Variants in CLSTN3 observed in about 807,000 individuals in gnomAD.
CLSTN3 encodes calsyntenin-3.
CLSTN3 carries 36 observed loss-of-function variants against 95.9 expected under a neutral mutation model. That is an observed-to-expected ratio of 0.38 (90% confidence interval 0.29 to 0.50). The LOEUF (loss-of-function observed/expected upper bound fraction) is 0.50, where lower values mean the gene tolerates loss of function less well. Ranked by LOEUF, CLSTN3 falls within the 20% of genes least tolerant of loss-of-function variation. The probability of loss-of-function intolerance (pLI) is 0.95; values close to 1 mark genes in which losing one functional copy is unlikely to be tolerated. For missense variants in CLSTN3, 1,084 were observed against 1,268.8 expected, an observed-to-expected ratio of 0.85 and a Z score of 2.21; for synonymous variants, 481 against 504.0, an observed-to-expected ratio of 0.95 and a Z score of 0.61.
chr12:7,142,875 C>T lies in CLSTN3; in HGVS notation c.1547C>T (p.Pro516Leu), dbSNP rs1483531616. ...DNSTDTTQGD[P>L]LSIHHYFHGY... is the part of the protein sequence containing the mutation. ...TCCTGTGTTCCTACCCTAGGAGACCCTTTGTCGATCCACCACTACTTCCAT... is the reference window on the plus strand; with the variant it reads ...TCCTGTGTTCCTACCCTAGGAGACCTTTTGTCGATCCACCACTACTTCCAT... The change falls in exon 11 of 18, where the codon CCT becomes CTT. Residue 516 changes from proline to leucine, a missense_variant. Physicochemically the swap from Pro to Leu is moderately conservative, Grantham distance 98. Transcript: ENST00000266546. The T allele has an allele frequency of 1.4e-5, 23 of 1,613,980 alleles. No homozygotes were observed. Among genetic ancestry groups the T allele is most frequent in the African/African-American group, 4.0e-5 (3 of 74,908 alleles).
intron 12 of CLSTN3, among the ~76,000 whole-genome samples, chr12:7,146,394 T>C (rs1386617989): frequency 6.6e-6 from 1 of 152,040 alleles, no homozygotes; most frequent in Non-Finnish European, 1.5e-5. Context: ...AGCGAGACCC[T>C]GTCTCTAAAA....
In CLSTN3 at chr12:7,151,033, C is replaced by T; in HGVS notation, c.2497C>T (p.His833Tyr). ...GHQPPPEMAG[H>Y]SLASSHRNSM... ...CCAGCCCCCGCCTGAGATGGCTGGA[C>T]ACAGCCTAGCCAGCTCCCACAGAAA... The change falls in exon 16 of 18, where the codon CAC becomes TAC. Residue 833 changes from histidine to tyrosine, a missense_variant. His to Tyr is a moderately conservative substitution (Grantham distance 83, BLOSUM62 2). Transcript: ENST00000266546. 1 of 1,610,398 alleles carries T rather than the reference C, an allele frequency of 6.2e-7. No individual in the cohort carries two copies. Among genetic ancestry groups the T allele is most frequent in the Non-Finnish European group, 8.5e-7 (1 of 1,178,082 alleles).
chr12:7,153,272 G>C (rs1177596698), intron 16 of CLSTN3, among the ~76,000 whole-genome samples: 1 of 152,104 alleles, frequency 6.6e-6, no homozygotes, highest in Non-Finnish European at 1.5e-5. Flanking sequence ...TCCTGCCTTA[G>C]CCCCCTGAGG....
rs927674851 is a variant in CLSTN3, at chr12:7,141,882, A to G, written c.1487-204A>G. The stretch of plus-strand genomic sequence containing the variant: ...TATCGTATTTGGGGGTTTGTCTATA[A>G]TAGAGGCTGGAGAGGTTGGAACATG... On this transcript the variant is annotated intron_variant, in intron 9 of 17. Transcript: ENST00000266546. This position sits in a 1 kb window ranked among gnomAD's most constrained non-coding sequence, Gnocchi z 4.1. Among the ~76,000 whole-genome samples the G allele has an allele frequency of 6.6e-6, 1 of 152,152 alleles. No individual in the cohort carries two copies. Among genetic ancestry groups the G allele is most frequent in the African/African-American group, 2.4e-5 (1 of 41,412 alleles).
rs142563656 is a variant in CLSTN3 at position 7,134,205 on chromosome 12, A to C, written c.383+437A>C. Among the ~76,000 whole-genome samples, 1,498 of 152,198 alleles carry C rather than the reference A, an allele frequency of 9.8e-3. 24 individuals are homozygous for C. Among genetic ancestry groups the C allele is most frequent in the Non-Finnish European group, 9.6e-3 (654 of 67,980 alleles). ...GAGCAAGAAGGAAGAGGATGAACAC[A>C]CTCAGCATGCATCCAGTTCCCTTTC... On this transcript the variant is annotated intron_variant, in intron 3 of 17. Transcript: ENST00000266546.
At chr12:7,153,166 G>C (rs1939753466) in intron 16 of CLSTN3, among the ~76,000 whole-genome samples, 1 of 152,112 alleles carries the variant, frequency 6.6e-6, no homozygotes, top group Non-Finnish European at 1.5e-5. Context: ...AGAGGCTTTT[G>C]GGAGGGAGAG....
At chr12:7,129,750 G>A, upstream of CLSTN3, 2 of 985,564 alleles carry the variant, frequency 2.0e-6, no homozygotes, top group Non-Finnish European at 2.4e-6. The surrounding 1 kb of genome is among the most constrained non-coding windows in gnomAD (Gnocchi z 5.5). Flanking sequence ...ACTGGGCTTG[G>A]TTCATCATGG....
chr12:7,158,026 A>G lies in CLSTN3; in HGVS notation c.2816A>G (p.Asp939Gly). The G allele has an allele frequency of 6.4e-7, 1 of 1,550,492 alleles. No individual in the cohort carries two copies. Among genetic ancestry groups the G allele is most frequent in the African/African-American group, 1.4e-5 (1 of 72,928 alleles). ...GACAGCAGTGACTCGGAGGTGGCCGATTCCCCCAGCAGCGACGAGAGACGC... is the reference window on the plus strand; with the variant it reads ...GACAGCAGTGACTCGGAGGTGGCCGGTTCCCCCAGCAGCGACGAGAGACGC... Reference protein sequence around the residue: ...DEDSSDSEVADSPSSDERRII... With the variant: ...DEDSSDSEVAGSPSSDERRII... Residue 939 changes from aspartate to glycine, a missense_variant, in exon 18 of 18, where the codon GAT becomes GGT. Transcript: ENST00000266546.
chr12:7,152,700 C>T (rs878991209), intron 16 of CLSTN3, among the ~76,000 whole-genome samples: 2 of 152,146 alleles, frequency 1.3e-5, no homozygotes, highest in East Asian at 1.9e-4. Flanking sequence ...GCACTGTGCT[C>T]GGGGGATTAC....
chr12:7,135,245 G>A, intron 3 of CLSTN3, 82 bp from the exon 4 acceptor site: 1 of 1,328,420 alleles, frequency 7.5e-7, no homozygotes, highest in Non-Finnish European at 1.1e-6. Context: ...ACCTCGGTGT[G>A]CTGTATCAAG....
chr12:7,140,710 A>T (rs1239386320), intron 8 of CLSTN3, among the ~76,000 whole-genome samples: 1 of 152,146 alleles, frequency 6.6e-6, no homozygotes, highest in Non-Finnish European at 1.5e-5. Context: ...GGAGTTGGAG[A>T]CCAGCCTAGG....
intron 8 of CLSTN3, among the ~76,000 whole-genome samples, chr12:7,138,411 A>G (rs910046387): frequency 1.3e-5 from 2 of 152,194 alleles, no homozygotes; most frequent in African/African-American, 2.4e-5. Context: ...GCCTGTTGTA[A>G]TCAAGACAAT....
intron 16 of CLSTN3, among the ~76,000 whole-genome samples, chr12:7,153,212 G>A (rs1417354251): frequency 6.6e-6 from 1 of 152,192 alleles, no homozygotes; most frequent in African/African-American, 2.4e-5. Context: ...CTGGAGAGCA[G>A]TGGTAATCCT....
At chr12:7,131,896 A>G (rs1939311834) in intron 1 of CLSTN3, 1 of 456,214 alleles carries the variant, frequency 2.2e-6, no homozygotes, top group Non-Finnish European at 4.4e-6. Flanking sequence ...GAAAGAATGG[A>G]AATCAGGGTT....
Position 7,150,955 on chromosome 12 carries a change from G to T in CLSTN3, c.2419G>T (p.Val807Phe). ...EVNVLHSMNR[V>F]AHPSHVLSSQ... ...CAATGTCCTGCACAGCATGAACCGGGTTGCCCACCCCAGCCACGTGCTCAG... is the reference window on the plus strand; with the variant it reads ...CAATGTCCTGCACAGCATGAACCGGTTTGCCCACCCCAGCCACGTGCTCAG... Residue 807 changes from valine (V) to phenylalanine (F), a missense_variant, in exon 16 of 18, where the codon GTT becomes TTT. By Grantham distance (50) the Val-to-Phe change is conservative. Transcript: ENST00000266546. This position sits in a 1 kb window ranked among gnomAD's most constrained non-coding sequence, Gnocchi z 4.0. 2 of 1,610,506 alleles carry T rather than the reference G, an allele frequency of 1.2e-6. No homozygotes were observed. Among genetic ancestry groups the T allele is most frequent in the Non-Finnish European group, 1.7e-6 (2 of 1,177,796 alleles).
upstream of CLSTN3, chr12:7,129,436 A>C (rs1591610976): frequency 5.6e-6 from 1 of 179,764 alleles, no homozygotes; most frequent in Non-Finnish European, 1.1e-5. The surrounding 1 kb of genome is among the most constrained non-coding windows in gnomAD (Gnocchi z 5.5). Flanking sequence ...TTGGTCCTAA[A>C]GAGCCATTAG....
At chr12:7,154,602 C>T (rs1159528808) in intron 16 of CLSTN3, among the ~76,000 whole-genome samples, 1 of 152,042 alleles carries the variant, frequency 6.6e-6, no homozygotes, top group Non-Finnish European at 1.5e-5. Context: ...TTGATGACTG[C>T]CAGAATCACC....
rs1217618147 is a variant in CLSTN3, at chr12:7,133,743, G to A, written c.358G>A (p.Gly120Arg). Residue 120 changes from glycine (G) to arginine (R), a missense_variant, in exon 3 of 18, where the codon GGG (glycine) becomes AGG (arginine). Physicochemically the swap from Gly to Arg is moderately radical, Grantham distance 125 (BLOSUM62 -2). Coordinates refer to ENST00000266546, the MANE Select transcript of CLSTN3 (RefSeq NM_014718.4). The surrounding 1 kb of genome is among the most constrained non-coding windows in gnomAD (Gnocchi z 4.7). ...CTATGACTGTGGCGAGGGCCCCGACGGGGCCAACACCAAGAAGTCCCACAA... is the reference window on the plus strand; with the variant it reads ...CTATGACTGTGGCGAGGGCCCCGACAGGGCCAACACCAAGAAGTCCCACAA... ...QAYDCGEGPD[G>R]ANTKKSHKAT... 7 of 1,590,740 alleles carry A rather than the reference G, an allele frequency of 4.4e-6. No individual in the cohort carries two copies. The South Asian group carries it at 4.6e-5, about 10-fold the overall frequency.
At chr12:7,143,531 C>G (rs1939569268) in intron 12 of CLSTN3, among the ~76,000 whole-genome samples, 1 of 152,246 alleles carries the variant, frequency 6.6e-6, no homozygotes, top group Non-Finnish European at 1.5e-5. Flanking sequence ...ATCTGTTACT[C>G]TTTCTACCAA....
Sources: allele counts gnomAD v4.1 joint callset (sites outside exome capture counted in the v4.1 genomes callset), GRCh38; gene constraint gnomAD v4.1.1; non-coding constraint Gnocchi (gnomAD v3.1); transcripts MANE v1.5; gene names NCBI Gene and HGNC (gene_info 2026-07-23, HGNC 2026-07-21).